Variants in SEC24D observed in about 807,000 individuals in gnomAD.
SEC24D encodes SEC24 homolog D, COPII component, also known as protein transport protein Sec24D.
In SEC24D, 69 loss-of-function variants were observed where a neutral mutation model predicts 116.9. That is an observed-to-expected ratio of 0.59 (90% CI 0.49 to 0.72). The LOEUF is 0.72. Ranked by LOEUF, SEC24D falls within the 30% of genes least tolerant of loss-of-function variation. The pLI is 0.00. For missense variants in SEC24D, 1,131 were observed against 1,264.1 expected, an observed-to-expected ratio of 0.89 and a Z score of 1.60; for synonymous variants, 405 against 442.8, an observed-to-expected ratio of 0.91 and a Z score of 1.07.
intron 8 of SEC24D, among the ~76,000 whole-genome samples, chr4:118,771,046 T>C (rs992604939): frequency 3.3e-5 from 5 of 152,174 alleles, no homozygotes; most frequent in African/African-American, 1.2e-4. Flanking sequence ...TCTCAGGCCA[T>C]GTTGAAAAGC....
chr4:118,727,075 C>A (rs867437981), intron 22 of SEC24D, among the ~76,000 whole-genome samples: 1 of 152,134 alleles, frequency 6.6e-6, no homozygotes, highest in African/African-American at 2.4e-5. Flanking sequence ...GTTGTGAGAC[C>A]CGGACCAAGC....
Position 118,752,049 on chromosome 4 carries a change from C to T in SEC24D, c.1654G>A (p.Glu552Lys). 2 of 1,613,244 alleles carry T rather than the reference C, an allele frequency of 1.2e-6. No individual in the cohort carries two copies. Among genetic ancestry groups the T allele is most frequent in the Non-Finnish European group, 1.7e-6 (2 of 1,179,504 alleles). The change falls in exon 13 of 23, where the codon GAA becomes AAA. Residue 552 changes from glutamate (E) to lysine (K), a missense_variant. Coordinates refer to ENST00000280551, the MANE Select transcript of SEC24D (RefSeq NM_014822.4). Reference sequence around the variant, plus strand: ...ACAGGAGCAAAGACAGTCTCATTTTCATTAGAGTCTGCAAACATGTCTGGA... The same window carrying T: ...ACAGGAGCAAAGACAGTCTCATTTTTATTAGAGTCTGCAAACATGTCTGGA... Reference protein sequence around the residue: ...QIPDMFADSNENETVFAPVIQ... With the variant: ...QIPDMFADSNKNETVFAPVIQ...
chr4:118,723,765 G>T lies in SEC24D; in HGVS notation c.2959-110C>A, dbSNP rs1725267145. On this transcript the variant is annotated intron_variant, in intron 22 of 22. Transcript: ENST00000280551. ...GCAAACATTATTGAATGCCCATTAT[G>T]TGTGAGGCTATGGAGGATGATGGGA... The T allele has an allele frequency of 4.2e-6, 5 of 1,191,082 alleles. No homozygotes were observed. The East Asian group carries it at 1.2e-4, about 29-fold the overall frequency. 73.8% of individuals were successfully genotyped at this position (1,191,082 alleles called of 1,614,324 possible).
Position 118,817,246 on chromosome 4 carries a change from TA to T in SEC24D, c.397+17del, listed in dbSNP as rs771757225. 6.3e-7 allele frequency: 1 copy of T among 1,580,976 alleles called. No individual in the cohort carries two copies. On this transcript the variant is annotated intron_variant, in intron 4 of 22. Transcript: ENST00000280551. ...AGGACACAAGGCAGTCAATAAACAC[TA>T]ATAATAAAACTATTACCATAGCTGT... is the stretch of plus-strand genomic sequence containing the variant.
At chr4:118,829,691 A>G (rs1426099651) in intron 2 of SEC24D, among the ~76,000 whole-genome samples, 1 of 152,104 alleles carries the variant, frequency 6.6e-6, no homozygotes, top group Non-Finnish European at 1.5e-5. Flanking sequence ...GCATGCCTGT[A>G]ATCTCAGCTA....
chr4:118,813,800 C>T (rs745387502), intron 6 of SEC24D, among the ~76,000 whole-genome samples: 18 of 152,316 alleles, frequency 1.2e-4, no homozygotes, highest in Middle Eastern at 3.4e-3. Flanking sequence ...TTTTTAGTCA[C>T]CTGATTTGTG....
intron 6 of SEC24D, among the ~76,000 whole-genome samples, chr4:118,810,346 G>C (rs533088411): frequency 2.0e-4 from 30 of 152,206 alleles, no homozygotes; most frequent in Admixed American, 1.6e-3. Context: ...GTAGATAGTA[G>C]AGGCTTGGAA....
Position 118,740,739 on chromosome 4 carries a change from A to G in SEC24D, c.2162T>C (p.Ile721Thr), listed in dbSNP as rs1365582157. 2.5e-6 allele frequency: 4 copies of G among 1,613,826 alleles called. No individual in the cohort carries two copies. The highest frequency in any genetic ancestry group is 3.4e-6 in the Non-Finnish European group (4 of 1,179,908). Residue 721 changes from isoleucine (I) to threonine (T), a missense_variant, in exon 17 of 23, where the codon ATC (isoleucine) becomes ACC (threonine). Ile to Thr is a moderately conservative substitution (Grantham distance 89). Coordinates refer to ENST00000280551, the MANE Select transcript of SEC24D (RefSeq NM_014822.4). The stretch of plus-strand genomic sequence containing the variant: ...CACGGTCACTGCCTTGTCACAATCG[A>G]TGGCAGCCATTTCTACATCGGTGGT... ...NNTTDVEMAA[I>T]DCDKAVTVEF...
chr4:118,783,690 C>T (rs1422173002), intron 8 of SEC24D, among the ~76,000 whole-genome samples: 3 of 152,050 alleles, frequency 2.0e-5, no homozygotes, highest in Admixed American at 2.0e-4. Context: ...CACTAAAATC[C>T]CAGGAGTGAT....
At chr4:118,821,816 G>A (rs940734347) in intron 3 of SEC24D, among the ~76,000 whole-genome samples, 1 of 152,234 alleles carries the variant, frequency 6.6e-6, no homozygotes, top group African/African-American at 2.4e-5. Flanking sequence ...ATTCACAGAA[G>A]CATGTCCCAT....
intron 10 of SEC24D, chr4:118,764,524 C>T: frequency 3.9e-6 from 1 of 258,132 alleles, no homozygotes; most frequent in Non-Finnish European, 7.4e-6. Flanking sequence ...GCATTAAGAA[C>T]CAGGTATATT....
intron 8 of SEC24D, among the ~76,000 whole-genome samples, chr4:118,786,682 G>C (rs1728676088): frequency 6.6e-6 from 1 of 152,136 alleles, no homozygotes; most frequent in Non-Finnish European, 1.5e-5. Flanking sequence ...ATGGGCCTTA[G>C]AATTTAGAGA....
chr4:118,775,612 G>C (rs967987715), intron 8 of SEC24D, among the ~76,000 whole-genome samples: 31 of 152,216 alleles, frequency 2.0e-4, no homozygotes, highest in African/African-American at 6.5e-4. Context: ...TAAGGTAGTA[G>C]TATACTGACT....
At chr4:118,815,211 A>G in intron 5 of SEC24D, 56 bp from the exon 6 acceptor site, 1 of 1,598,866 alleles carries the variant, frequency 6.3e-7, no homozygotes, top group Non-Finnish European at 8.6e-7. Context: ...AGCATGTAAG[A>G]CTTGTTGACG....
At chr4:118,786,759 C>T (rs923548645) in intron 8 of SEC24D, among the ~76,000 whole-genome samples, 7 of 152,094 alleles carry the variant, frequency 4.6e-5, no homozygotes, top group African/African-American at 1.4e-4. Context: ...CCCCACTGTT[C>T]GACATCAAGA....
rs1725259567 is a variant in SEC24D at position 118,723,659 on chromosome 4, G to A, written c.2959-4C>T. 2.5e-6 allele frequency: 4 copies of A among 1,591,208 alleles called. No homozygotes were observed. The highest frequency in any genetic ancestry group is 3.4e-6 in the Non-Finnish European group (4 of 1,173,306). ...CTCGCTGCTTTACAATTGTGAGCTA[G>A]GAAAAAAAAAACAAAACAGTAACAG... On this transcript the variant is annotated splice_polypyrimidine_tract_variant and splice_region_variant and intron_variant, in intron 22 of 22. Transcript: ENST00000280551.
At chr4:118,746,554 CA>C (rs1421791582) in intron 13 of SEC24D, among the ~76,000 whole-genome samples, 1 of 151,922 alleles carries the variant, frequency 6.6e-6, no homozygotes, top group African/African-American at 2.4e-5. Context: ...GTCTTATTTC[CA>C]ACATGTCTTT....
rs542494774 is a variant in SEC24D at position 118,738,983 on chromosome 4, A to G, written c.2377+166T>C. On this transcript the variant is annotated intron_variant, in intron 18 of 22. Coordinates refer to ENST00000280551, the MANE Select transcript of SEC24D (RefSeq NM_014822.4). ...CCTGAACTGAGTTACCTCACTTATTAATTTAGAGTTAGGAATGCTGACTAT... is the reference window on the plus strand; with the variant it reads ...CCTGAACTGAGTTACCTCACTTATTGATTTAGAGTTAGGAATGCTGACTAT... Among the ~76,000 whole-genome samples, 5 of 152,148 alleles carry G rather than the reference A, an allele frequency of 3.3e-5. No individual in the cohort carries two copies. The South Asian group carries it at 1.0e-3, about 32-fold the overall frequency.
chr4:118,725,341 C>T (rs1009196722), intron 22 of SEC24D, among the ~76,000 whole-genome samples: 2 of 152,138 alleles, frequency 1.3e-5, no homozygotes, highest in African/African-American at 4.8e-5. Context: ...TTAAGATTTG[C>T]CTCCTGATGA....
Sources: allele counts gnomAD v4.1 joint callset (sites outside exome capture counted in the v4.1 genomes callset), GRCh38; gene constraint gnomAD v4.1.1; transcripts MANE v1.5; gene names NCBI Gene and HGNC (gene_info 2026-07-23, HGNC 2026-07-21).